Variants in MARCHF3 observed in about 807,000 individuals in gnomAD.
MARCHF3 encodes the protein membrane associated ring-CH-type finger 3, also known as E3 ubiquitin-protein ligase MARCHF3.
MARCHF3 carries 13 observed loss-of-function variants against 24.2 expected under a neutral mutation model. The observed-to-expected ratio is 0.54, with a 90% CI of 0.35 to 0.85. MARCHF3 has a LOEUF of 0.85. Among genes scored for constraint, MARCHF3 ranks in the 40% least tolerant of loss-of-function variants. The probability of loss-of-function intolerance (pLI) is 0.01; values close to 1 mark genes in which losing one functional copy is unlikely to be tolerated. For missense variants in MARCHF3, 276 were observed against 325.0 expected, an observed-to-expected ratio of 0.85 and a Z score of 1.16; for synonymous variants, 144 against 137.3, an observed-to-expected ratio of 1.05 and a Z score of -0.34.
At chr5:126,929,206 C>T (rs1749400023) in intron 1 of MARCHF3, among the ~76,000 whole-genome samples, 1 of 152,162 alleles carries the variant, frequency 6.6e-6, no homozygotes, top group Non-Finnish European at 1.5e-5. Context: ...ATTTGTCTGT[C>T]TTCTTGTGTT....
chr5:126,945,892 T>C (rs903329994), intron 1 of MARCHF3, among the ~76,000 whole-genome samples: 3 of 152,158 alleles, frequency 2.0e-5, no homozygotes, highest in African/African-American at 7.2e-5. Context: ...CAGAGTTGCT[T>C]CAGAGATGTC....
At chr5:126,925,134 G>A (rs1749250113) in intron 1 of MARCHF3, among the ~76,000 whole-genome samples, 1 of 152,200 alleles carries the variant, frequency 6.6e-6, no homozygotes, top group South Asian at 2.1e-4. Flanking sequence ...GCAGTAAGCA[G>A]GTGAAATGCC....
chr5:126,951,246 T>TAGA (rs1191371818), intron 1 of MARCHF3, among the ~76,000 whole-genome samples: 1 of 152,206 alleles, frequency 6.6e-6, no homozygotes, highest in Non-Finnish European at 1.5e-5. Flanking sequence ...TGATGCTCTT[T>TAGA]ACTAGTTCCT....
intron 1 of MARCHF3, among the ~76,000 whole-genome samples, chr5:127,003,974 G>T (rs1752223176): frequency 6.6e-6 from 1 of 152,146 alleles, no homozygotes; most frequent in Non-Finnish European, 1.5e-5. Flanking sequence ...TTGCAGCATG[G>T]GGAGTGGCTG....
intron 1 of MARCHF3, among the ~76,000 whole-genome samples, chr5:126,974,098 C>T (rs922662521): frequency 1.2e-4 from 18 of 150,594 alleles, no homozygotes; most frequent in Non-Finnish European, 2.7e-4. Flanking sequence ...CGGGGTTTCA[C>T]CTTGTTAGCC....
intron 3 of MARCHF3, among the ~76,000 whole-genome samples, chr5:126,905,940 T>C (rs1327278969): frequency 3.3e-5 from 5 of 152,128 alleles, no homozygotes; most frequent in African/African-American, 1.2e-4. Flanking sequence ...CAGTATGATA[T>C]TGGCTGTGGG....
At chr5:126,932,736 G>A (rs953819989) in intron 1 of MARCHF3, among the ~76,000 whole-genome samples, 9 of 152,124 alleles carry the variant, frequency 5.9e-5, no homozygotes, top group East Asian at 3.9e-4. Context: ...GGTAAAATAC[G>A]GGGCTCTGGG....
At chr5:127,004,269 T>G (rs914222781) in intron 1 of MARCHF3, among the ~76,000 whole-genome samples, 1 of 152,164 alleles carries the variant, frequency 6.6e-6, no homozygotes, top group African/African-American at 2.4e-5. Context: ...GCTGTGCCTT[T>G]AGCAAACATT....
intron 3 of MARCHF3, among the ~76,000 whole-genome samples, chr5:126,904,327 C>G (rs1473438525): frequency 6.7e-6 from 1 of 150,192 alleles, no homozygotes; most frequent in African/African-American, 2.5e-5. Context: ...GGGTATATAC[C>G]CAGTAATGGG....
chr5:126,911,633 A>G (rs1754535371), intron 3 of MARCHF3, among the ~76,000 whole-genome samples: 1 of 152,212 alleles, frequency 6.6e-6, no homozygotes, highest in African/African-American at 2.4e-5. Flanking sequence ...CTTGGGTTGA[A>G]ACTAGCTCTT....
chr5:126,990,460 G>A (rs1751714135), intron 1 of MARCHF3, among the ~76,000 whole-genome samples: 1 of 152,048 alleles, frequency 6.6e-6, no homozygotes, highest in Non-Finnish European at 1.5e-5. Context: ...GAAAACCTAG[G>A]CAATACCATT....
At position 126,915,098 on chromosome 5, in the gene MARCHF3, G is replaced by C; in HGVS notation, c.225C>G (p.His75Gln). ...GCAAGTCCTCTTGGCTGCTGCCCTC[G>C]TGGCAGATCCTGCACATCGGCCGGT... Reference protein sequence around the residue: ...FNDRPMCRICHEGSSQEDLLS... With the variant: ...FNDRPMCRICQEGSSQEDLLS... The change falls in exon 3 of 5, where the codon CAC becomes CAG. Residue 75 changes from histidine (H) to glutamine (Q), a missense_variant. Coordinates refer to ENST00000308660, the MANE Select transcript of MARCHF3 (RefSeq NM_178450.5). The C allele has an allele frequency of 1.2e-6, 2 of 1,614,124 alleles. No individual in the cohort carries two copies. Among genetic ancestry groups the C allele is most frequent in the Admixed American group, 3.3e-5 (2 of 60,032 alleles).
chr5:126,975,911 C>T (rs1751178832), intron 1 of MARCHF3, among the ~76,000 whole-genome samples: 1 of 152,166 alleles, frequency 6.6e-6, no homozygotes, highest in South Asian at 2.1e-4. Context: ...TCTCTCTTTG[C>T]CATATCATAT....
chr5:126,929,709 G>T (rs954466778), intron 1 of MARCHF3, among the ~76,000 whole-genome samples: 55 of 152,090 alleles, frequency 3.6e-4, no homozygotes, highest in Non-Finnish European at 6.3e-4. Flanking sequence ...ATATGGTTTG[G>T]CTGTGTCCTC....
chr5:126,874,171 T>C (rs1753067129), intron 4 of MARCHF3, among the ~76,000 whole-genome samples: 1 of 152,210 alleles, frequency 6.6e-6, no homozygotes, highest in African/African-American at 2.4e-5. Context: ...CCTCCTATCA[T>C]GGGCAAGTCT....
chr5:126,873,661 C>T (rs1265378200), intron 4 of MARCHF3, among the ~76,000 whole-genome samples: 1 of 152,226 alleles, frequency 6.6e-6, no homozygotes, highest in Admixed American at 6.5e-5. Flanking sequence ...TAGCAGGTCT[C>T]CTGGTTCCAT....
chr5:126,909,678 G>A (rs1431528946), intron 3 of MARCHF3, among the ~76,000 whole-genome samples: 5 of 152,098 alleles, frequency 3.3e-5, no homozygotes, highest in African/African-American at 9.7e-5. Context: ...GCTCGCACAC[G>A]GTGCCCGCAC....
chr5:126,973,718 T>C (rs557506888), intron 1 of MARCHF3, among the ~76,000 whole-genome samples: 1 of 152,332 alleles, frequency 6.6e-6, no homozygotes, highest in South Asian at 2.1e-4. Flanking sequence ...CAGTAAGTTA[T>C]CCGTATTAGT....
At chr5:126,911,241 T>C (rs772742653) in intron 3 of MARCHF3, among the ~76,000 whole-genome samples, 2 of 152,180 alleles carry the variant, frequency 1.3e-5, no homozygotes, top group Non-Finnish European at 2.9e-5. Context: ...TATTACCTTG[T>C]GAAGCATGTG....
Sources: allele counts gnomAD v4.1 joint callset (sites outside exome capture counted in the v4.1 genomes callset), GRCh38; gene constraint gnomAD v4.1.1; transcripts MANE v1.5; gene names NCBI Gene and HGNC (gene_info 2026-07-23, HGNC 2026-07-21).